Variants in MAGI3 observed in about 807,000 individuals in gnomAD.
MAGI3 encodes membrane-associated guanylate kinase, WW and PDZ domain-containing protein 3.
A neutral mutation model predicts 121.8 loss-of-function variants in MAGI3; 43 were observed. The ratio of observed to expected loss-of-function variants is 0.35; its 90% CI spans 0.28 to 0.46. The LOEUF (loss-of-function observed/expected upper bound fraction) is 0.46. MAGI3 is among the 20% of genes least tolerant of loss of function. The pLI is 1.00. For synonymous variants in MAGI3, 553 were observed against 639.3 expected (o/e 0.86, Z 2.04); for missense variants, 1,547 against 1,797.3 (o/e 0.86, Z 2.52).
chr1:113,624,652 C>CTG (rs1651107060), intron 9 of MAGI3, among the ~76,000 whole-genome samples: 1 of 152,164 alleles, frequency 6.6e-6, no homozygotes, highest in Non-Finnish European at 1.5e-5. Context: ...TTCTCCCATT[C>CTG]TGTGGGCTGT....
At chr1:113,586,444 T>C (rs1648369386) in intron 4 of MAGI3, among the ~76,000 whole-genome samples, 3 of 152,256 alleles carry the variant, frequency 2.0e-5, no homozygotes, top group African/African-American at 4.8e-5. Context: ...AAATGTGATA[T>C]GTATATTTAT....
At chr1:113,446,732 A>G (rs1654195588) in intron 1 of MAGI3, among the ~76,000 whole-genome samples, 1 of 152,244 alleles carries the variant, frequency 6.6e-6, no homozygotes, top group Non-Finnish European at 1.5e-5. Context: ...GAGTGGCTAT[A>G]CTGTTATCAG....
At chr1:113,450,706 T>C in intron 1 of MAGI3, 1 of 1,124,112 alleles carries the variant, frequency 8.9e-7, no homozygotes, top group Non-Finnish European at 1.3e-6. Context: ...GTGGTGGAAG[T>C]GGTGGATATG....
At chr1:113,469,075 C>G (rs903994970) in intron 1 of MAGI3, among the ~76,000 whole-genome samples, 1 of 152,034 alleles carries the variant, frequency 6.6e-6, no homozygotes, top group Non-Finnish European at 1.5e-5. Flanking sequence ...CAGGAAGAAA[C>G]CTACATCTAG....
intron 9 of MAGI3, among the ~76,000 whole-genome samples, chr1:113,640,072 T>C (rs796642858): frequency 5.9e-5 from 9 of 152,190 alleles, no homozygotes; most frequent in African/African-American, 1.9e-4. Flanking sequence ...GGACAAAGGA[T>C]ATGAACAGAT....
At chr1:113,675,075 G>A (rs928378025) in intron 19 of MAGI3, among the ~76,000 whole-genome samples, 1 of 152,196 alleles carries the variant, frequency 6.6e-6, no homozygotes, top group Non-Finnish European at 1.5e-5. Flanking sequence ...TATAAAAGCC[G>A]ATGGGTCGCA....
intron 1 of MAGI3, among the ~76,000 whole-genome samples, chr1:113,448,672 T>C (rs1379244053): frequency 1.3e-5 from 2 of 152,128 alleles, no homozygotes; most frequent in African/African-American, 2.4e-5. Context: ...GCCTTTTTTT[T>C]TTAAGAGATG....
At chr1:113,544,161 C>T (rs1228928447) in intron 1 of MAGI3, among the ~76,000 whole-genome samples, 2 of 152,200 alleles carry the variant, frequency 1.3e-5, no homozygotes, top group African/African-American at 2.4e-5. Flanking sequence ...GGATCCCCTT[C>T]CTTGAGCCAG....
chr1:113,647,152 A>G (rs1364249948), intron 12 of MAGI3, among the ~76,000 whole-genome samples: 5 of 152,186 alleles, frequency 3.3e-5, no homozygotes, highest in Non-Finnish European at 5.9e-5. Flanking sequence ...GGAAGATAAA[A>G]GGGAAAGATA....
chr1:113,434,650 T>C (rs1653473061), intron 1 of MAGI3, among the ~76,000 whole-genome samples: 1 of 152,218 alleles, frequency 6.6e-6, no homozygotes, highest in Non-Finnish European at 1.5e-5. Flanking sequence ...ATTATAACAC[T>C]GGTTAATGTT....
At chr1:113,540,736 C>T (rs568967512) in intron 1 of MAGI3, among the ~76,000 whole-genome samples, 1 of 152,246 alleles carries the variant, frequency 6.6e-6, no homozygotes, top group South Asian at 2.1e-4. Flanking sequence ...GATCCCTGGC[C>T]ATGTGTCTGA....
intron 3 of MAGI3, among the ~76,000 whole-genome samples, chr1:113,584,377 C>T (rs890596354): frequency 5.3e-5 from 8 of 152,118 alleles, no homozygotes; most frequent in African/African-American, 1.9e-4. Context: ...TTTTCTGGAA[C>T]ATTTATTTTT....
At chr1:113,536,806 A>G (rs1659030890) in intron 1 of MAGI3, among the ~76,000 whole-genome samples, 1 of 152,116 alleles carries the variant, frequency 6.6e-6, no homozygotes, top group South Asian at 2.1e-4. Flanking sequence ...TTCTAAGGAT[A>G]GTTTTTGATA....
chr1:113,405,657 T>G (rs1651644248), intron 1 of MAGI3, among the ~76,000 whole-genome samples: 1 of 152,146 alleles, frequency 6.6e-6, no homozygotes, highest in Non-Finnish European at 1.5e-5. Flanking sequence ...AGCTCCTGCC[T>G]ACGCCTTTAG....
At chr1:113,451,964 C>T (rs888200611) in intron 1 of MAGI3, among the ~76,000 whole-genome samples, 13 of 152,102 alleles carry the variant, frequency 8.5e-5, no homozygotes, top group Non-Finnish European at 1.6e-4. Flanking sequence ...CAATTACTTC[C>T]TTAGCTCTCA....
chr1:113,623,257 A>G (rs1343167601), intron 9 of MAGI3, among the ~76,000 whole-genome samples: 2 of 152,022 alleles, frequency 1.3e-5, no homozygotes, highest in African/African-American at 2.4e-5. Flanking sequence ...AAAATGTGGT[A>G]TACATCTCCT....
intron 2 of MAGI3, among the ~76,000 whole-genome samples, chr1:113,562,086 A>T (rs1660261287): frequency 1.3e-5 from 2 of 152,354 alleles, no homozygotes; most frequent in South Asian, 2.1e-4. Context: ...TTCAAGGAGA[A>T]CTACAAACGA....
intron 3 of MAGI3, 95 bp downstream of exon 3, chr1:113,580,756 G>C: frequency 8.0e-7 from 1 of 1,250,822 alleles, no homozygotes; most frequent in Non-Finnish European, 1.0e-6. Flanking sequence ...ACCACTTTTT[G>C]AAAAACTTTT....
intron 20 of MAGI3, 53 bp downstream of exon 20, chr1:113,681,389 A>G: frequency 6.4e-7 from 1 of 1,560,666 alleles, no homozygotes; most frequent in Non-Finnish European, 8.7e-7. Context: ...GGGAGGGGAC[A>G]GAAGAAAAAG....
Sources: gnomAD v4.1 joint callset for allele counts (sites outside exome capture counted in the v4.1 genomes callset) on GRCh38, gnomAD v4.1.1 for gene constraint, MANE v1.5 for transcripts, NCBI Gene and HGNC (gene_info 2026-07-23, HGNC 2026-07-21) for gene names.